Variants in RABGAP1L observed in about 807,000 individuals in gnomAD.
RABGAP1L encodes RAB GTPase activating protein 1 like, also known as rab GTPase-activating protein 1-like.
RABGAP1L carries 63 observed loss-of-function variants against 137.7 expected under a neutral mutation model. That is an observed-to-expected ratio of 0.46 (90% CI 0.37 to 0.56). The LOEUF (loss-of-function observed/expected upper bound fraction) is 0.56, where lower values mean the gene tolerates loss of function less well. RABGAP1L is among the 20% of genes least tolerant of loss of function. The pLI is 0.00. For missense variants in RABGAP1L, 1,095 were observed against 1,244.0 expected (o/e 0.88, Z 1.80); for synonymous variants, 431 against 433.7 (o/e 0.99, Z 0.08).
chr1:174,405,143 G>T (rs1000169575), intron 13 of RABGAP1L, among the ~76,000 whole-genome samples: 2 of 152,106 alleles, frequency 1.3e-5, no homozygotes, highest in Non-Finnish European at 2.9e-5. Context: ...GTTTAATTTG[G>T]TATTTTTCTT....
intron 14 of RABGAP1L, among the ~76,000 whole-genome samples, chr1:174,643,712 TA>T (rs756878881): frequency 1.3e-5 from 2 of 152,298 alleles, no homozygotes; most frequent in East Asian, 3.9e-4. Flanking sequence ...TGCATACTGA[TA>T]AATATTAATC....
chr1:174,580,931 G>C (rs554173127), intron 13 of RABGAP1L, among the ~76,000 whole-genome samples: 55 of 152,212 alleles, frequency 3.6e-4, no homozygotes, highest in African/African-American at 1.3e-3. Flanking sequence ...ATGAAAAGAT[G>C]CTTAACACCA....
At position 174,990,812 on chromosome 1, in the gene RABGAP1L, A is replaced by G. The variant is rs1672007196; in HGVS notation, c.*811A>G. 6.6e-6 allele frequency: 1 copy of G among 152,234 alleles called. No homozygotes were observed. The highest frequency in any genetic ancestry group is 1.5e-5 in the Non-Finnish European group (1 of 68,056). 9.4% of individuals were successfully genotyped at this position (152,234 alleles called of 1,614,324 possible). ...TAAAGGTGGATATTGCACCTTACAGACTTAGGGAGCCTTTACCAGAGACGC... is the reference window on the plus strand; with the variant it reads ...TAAAGGTGGATATTGCACCTTACAGGCTTAGGGAGCCTTTACCAGAGACGC... On this transcript the variant is annotated 3_prime_UTR_variant, in exon 26 of 26. Transcript: ENST00000681986.
At chr1:174,316,598 C>T (rs975382589) in intron 11 of RABGAP1L, among the ~76,000 whole-genome samples, 3 of 152,210 alleles carry the variant, frequency 2.0e-5, no homozygotes, top group Non-Finnish European at 4.4e-5. Flanking sequence ...AACATTCTCT[C>T]TCTCTCTGTC....
At chr1:174,888,078 A>C (rs962475056) in intron 19 of RABGAP1L, among the ~76,000 whole-genome samples, 1 of 152,138 alleles carries the variant, frequency 6.6e-6, no homozygotes, top group Admixed American at 6.6e-5. Flanking sequence ...GACAGAAATC[A>C]GATTTATGAT....
intron 4 of RABGAP1L, among the ~76,000 whole-genome samples, chr1:174,237,098 C>CT (rs1485446686): frequency 3.8e-4 from 58 of 150,696 alleles, no homozygotes; most frequent in African/African-American, 1.3e-3. Context: ...CAACCCCTGT[C>CT]TTTTTTTGTT....
intron 13 of RABGAP1L, among the ~76,000 whole-genome samples, chr1:174,578,137 A>G (rs932911403): frequency 7.2e-5 from 11 of 152,232 alleles, no homozygotes; most frequent in African/African-American, 2.7e-4. Flanking sequence ...TGTCCACTAT[A>G]CTTTTAAAAA....
In RABGAP1L at chr1:174,497,902, C is replaced by T. The variant is rs190383973; in HGVS notation, c.1710+103757C>T. ...GTTACATGTTACAGTATTAGTAGCT[C>T]TGACAGTGACTGTCTTCAAATTAAT... On this transcript the variant is annotated intron_variant, in intron 13 of 25. Transcript: ENST00000681986. Among the ~76,000 whole-genome samples the T allele has an allele frequency of 2.1e-3, 300 of 144,906 alleles. 1 individual carries two copies. Among genetic ancestry groups the T allele is most frequent in the African/African-American group, 8.3e-3 (283 of 34,300 alleles).
intron 18 of RABGAP1L, among the ~76,000 whole-genome samples, chr1:174,784,213 G>C (rs940357997): frequency 6.6e-6 from 1 of 151,744 alleles, no homozygotes; most frequent in Non-Finnish European, 1.5e-5. Context: ...TAGTGACGGA[G>C]TTTCACCGTG....
chr1:174,527,256 T>G (rs1272923302), intron 13 of RABGAP1L, among the ~76,000 whole-genome samples: 2 of 149,986 alleles, frequency 1.3e-5, no homozygotes, highest in Non-Finnish European at 3.0e-5. Flanking sequence ...CGGAATGAAG[T>G]TCAGTGGCAC....
chr1:174,370,938 A>G (rs1212176809), intron 11 of RABGAP1L, 41 bp from the exon 12 acceptor site: 1 of 1,086,498 alleles, frequency 9.2e-7, no homozygotes, highest in Non-Finnish European at 1.3e-6. Flanking sequence ...CTACTGTAAT[A>G]TATAAAATAA....
chr1:174,468,571 G>T (rs1657556691), intron 13 of RABGAP1L, among the ~76,000 whole-genome samples: 1 of 152,068 alleles, frequency 6.6e-6, no homozygotes, highest in Admixed American at 6.6e-5. Flanking sequence ...ATGACAGCGT[G>T]GGCAGATATT....
At chr1:174,702,456 A>G (rs1352234886) in intron 17 of RABGAP1L, among the ~76,000 whole-genome samples, 200 bp downstream of exon 17, 1 of 143,740 alleles carries the variant, frequency 7.0e-6, no homozygotes, top group African/African-American at 2.5e-5. Flanking sequence ...GTTAAGGCAT[A>G]TATAATTCCT....
chr1:174,633,608 G>A (rs887588321), intron 13 of RABGAP1L, among the ~76,000 whole-genome samples: 1 of 123,592 alleles, frequency 8.1e-6, no homozygotes, highest in Non-Finnish European at 1.6e-5. Context: ...AAAGCTGGAG[G>A]CAGCACACTA....
At chr1:174,366,846 C>G (rs1014378469) in intron 11 of RABGAP1L, among the ~76,000 whole-genome samples, 2 of 147,272 alleles carry the variant, frequency 1.4e-5, no homozygotes, top group East Asian at 4.1e-4. Flanking sequence ...CCATTTTCTT[C>G]TGCTCAAGGA....
intron 1 of RABGAP1L, among the ~76,000 whole-genome samples, chr1:174,180,929 T>C (rs1378955893): frequency 1.3e-5 from 2 of 152,218 alleles, no homozygotes; most frequent in African/African-American, 4.8e-5. Context: ...ATGCTTTACC[T>C]GCATTATTTC....
At chr1:174,244,555 A>G (rs1001068907) in intron 5 of RABGAP1L, 1 of 152,226 alleles carries the variant, frequency 6.6e-6, no homozygotes, top group Non-Finnish European at 1.5e-5. Context: ...CTTCTGCAGG[A>G]CTGTGCTTTA....
chr1:174,760,916 G>A (rs1685168273), intron 18 of RABGAP1L, among the ~76,000 whole-genome samples: 1 of 152,222 alleles, frequency 6.6e-6, no homozygotes, highest in Admixed American at 6.5e-5. Context: ...TTTAGAGACA[G>A]ATACTGTTCT....
At chr1:174,573,223 C>T (rs1668119311) in intron 13 of RABGAP1L, among the ~76,000 whole-genome samples, 1 of 142,654 alleles carries the variant, frequency 7.0e-6, no homozygotes, top group South Asian at 2.2e-4. Context: ...TATATACACA[C>T]TATATATGTT....
Sources: allele counts gnomAD v4.1 joint callset (sites outside exome capture counted in the v4.1 genomes callset), GRCh38; gene constraint gnomAD v4.1.1; transcripts MANE v1.5; gene names NCBI Gene and HGNC (gene_info 2026-07-23, HGNC 2026-07-21).